The following RBFOX1 variants were observed in gnomAD, a reference collection of about 807,000 sequenced individuals.
RBFOX1 encodes RNA binding protein fox-1 homolog 1.
A neutral mutation model predicts 57.7 loss-of-function variants in RBFOX1; 8 were observed. The observed-to-expected ratio is 0.14, with a 90% CI of 0.08 to 0.25. RBFOX1 has a LOEUF of 0.25. RBFOX1 is among the 10% of genes least tolerant of loss of function. The probability of loss-of-function intolerance (pLI) is 1.00; values close to 1 mark genes in which losing one functional copy is unlikely to be tolerated. For missense variants in RBFOX1, 611 were observed against 548.5 expected, an observed-to-expected ratio of 1.11 and a Z score of -1.14; for synonymous variants, 326 against 222.4, an observed-to-expected ratio of 1.47 and a Z score of -4.15.
intron 2 of RBFOX1, among the ~76,000 whole-genome samples, chr16:6,546,190 A>G (rs2096892636): frequency 6.6e-6 from 1 of 152,152 alleles, no homozygotes; most frequent in Non-Finnish European, 1.5e-5. Flanking sequence ...CTAAAAACGT[A>G]TTGTTTGTCT....
chr16:5,779,343 C>T (rs2054252399), intron 3 of RBFOX1, among the ~76,000 whole-genome samples: 1 of 152,126 alleles, frequency 6.6e-6, no homozygotes, highest in Admixed American at 6.5e-5. Flanking sequence ...ATCTCTGCTC[C>T]CTCCTGCATT....
intron 2 of RBFOX1, among the ~76,000 whole-genome samples, chr16:5,597,808 G>A (rs1222457654): frequency 2.0e-5 from 3 of 152,118 alleles, no homozygotes; most frequent in African/African-American, 4.8e-5. Flanking sequence ...GGAATACTAC[G>A]ACGGTGATTC....
At chr16:6,800,940 TTGAG>T (rs931523173) in intron 3 of RBFOX1, among the ~76,000 whole-genome samples, 5 of 152,154 alleles carry the variant, frequency 3.3e-5, no homozygotes, top group Non-Finnish European at 4.4e-5. Flanking sequence ...TTGCCCCTGT[TTGAG>T]TATCTCTCAA....
chr16:7,238,342 T>A (rs537531208), intron 4 of RBFOX1, among the ~76,000 whole-genome samples: 3 of 147,836 alleles, frequency 2.0e-5, no homozygotes, highest in African/African-American at 7.6e-5. Context: ...AAAAAATAAA[T>A]AAATAAAATA....
intron 2 of RBFOX1, among the ~76,000 whole-genome samples, chr16:6,653,736 A>G (rs1246498197): frequency 6.6e-6 from 1 of 150,920 alleles, no homozygotes; most frequent in East Asian, 2.0e-4. Context: ...GAGGATGGAT[A>G]GATGGATGGA....
At chr16:5,651,197 C>G (rs2049228281) in intron 3 of RBFOX1, among the ~76,000 whole-genome samples, 1 of 151,620 alleles carries the variant, frequency 6.6e-6, no homozygotes, top group Admixed American at 6.6e-5. Flanking sequence ...GAATTACAGG[C>G]ACCTGCCACC....
At position 5,802,862 on chromosome 16, in the gene RBFOX1, A is replaced by C. The variant is rs78141473; in HGVS notation, c.319-64441A>C. Among the ~76,000 whole-genome samples, 107 of 152,254 alleles carry C rather than the reference A, an allele frequency of 7.0e-4. 1 individual carries two copies. In the East Asian group the frequency reaches 0.02, roughly 29 times the overall value. The stretch of plus-strand genomic sequence containing the variant: ...CCCCCATCTGTCCACCTATCCAACC[A>C]TTCATTCATTAATCATACAGTTATT... On this transcript the variant is annotated intron_variant, in intron 3 of 19. Coordinates refer to the RBFOX1 transcript ENST00000641259.
chr16:6,213,654 A>G (rs959752283), intron 1 of RBFOX1, among the ~76,000 whole-genome samples: 6 of 152,298 alleles, frequency 3.9e-5, no homozygotes, highest in South Asian at 2.1e-4. Context: ...TCTTATTTCA[A>G]TGTAATAAAG....
At chr16:5,711,671 G>A (rs1447934688) in intron 3 of RBFOX1, among the ~76,000 whole-genome samples, 1 of 152,192 alleles carries the variant, frequency 6.6e-6, no homozygotes, top group Non-Finnish European at 1.5e-5. Flanking sequence ...AAAGGGCCTT[G>A]CATGCCTTAT....
Position 7,653,930 on chromosome 16 carries a change from G to T in RBFOX1, c.873G>T (p.Pro291=), listed in dbSNP as rs761510301. The change falls in exon 12 of 16, where the codon CCG becomes CCT. Residue 291 remains proline (P), a synonymous_variant. Coordinates refer to ENST00000550418, the MANE Select transcript of RBFOX1 (RefSeq NM_018723.4). ...TCAGGGCCGCGGCGCCCCCGCCCCC[G>T]ATCCCGGCCTACGGCGGGTAAGTGG... ...NTFRAAAPPP[P]IPAYGGVVYQ... is the part of the protein sequence containing the mutation. 3 of 1,551,308 alleles carry T rather than the reference G, an allele frequency of 1.9e-6. No homozygotes were observed. The highest frequency in any genetic ancestry group is 1.9e-5 in the Admixed American group (1 of 53,246).
At chr16:6,786,741 C>G (rs1050324473) in intron 3 of RBFOX1, among the ~76,000 whole-genome samples, 5 of 152,180 alleles carry the variant, frequency 3.3e-5, no homozygotes, top group Admixed American at 6.5e-5. Context: ...TTTCCTTAAA[C>G]AGTTGGAAAT....
intron 2 of RBFOX1, among the ~76,000 whole-genome samples, chr16:5,516,991 T>C (rs940455046): frequency 3.3e-5 from 5 of 151,748 alleles, no homozygotes; most frequent in Non-Finnish European, 7.4e-5. Flanking sequence ...CTCCTGACTT[T>C]CTTCCTGTTT....
chr16:6,434,830 T>G (rs1380766473), intron 2 of RBFOX1, among the ~76,000 whole-genome samples: 1 of 152,248 alleles, frequency 6.6e-6, no homozygotes, highest in Non-Finnish European at 1.5e-5. Context: ...TCCAATGATT[T>G]GTACCTCATG....
Position 5,404,881 on chromosome 16 carries a change from A to C in RBFOX1, c.220-62335A>C, listed in dbSNP as rs192378844. ...CAAAGTCTTAACCACCAGGAAAAGA[A>C]AGCTTTCCAGCTTGGTCTTCAGGAT... On this transcript the variant is annotated intron_variant, in intron 1 of 2. Transcript: ENST00000585867. 5.2e-3 allele frequency among the ~76,000 whole-genome samples: 798 copies of C among 152,330 alleles called. 4 individuals carry two copies. Among genetic ancestry groups the C allele is most frequent in the Non-Finnish European group, 6.7e-3 (457 of 68,026 alleles).
At chr16:5,715,936 G>T (rs566741918) in intron 3 of RBFOX1, among the ~76,000 whole-genome samples, 1 of 152,164 alleles carries the variant, frequency 6.6e-6, no homozygotes, top group Non-Finnish European at 1.5e-5. Flanking sequence ...CAGCATAGTT[G>T]TATTTGTCTA....
At chr16:6,431,666 G>A (rs1350991814) in intron 2 of RBFOX1, among the ~76,000 whole-genome samples, 1 of 152,072 alleles carries the variant, frequency 6.6e-6, no homozygotes, top group Admixed American at 6.6e-5. Flanking sequence ...AAGGACTTGG[G>A]CACTTAGTCT....
chr16:5,814,540 G>T (rs549926597), intron 3 of RBFOX1, among the ~76,000 whole-genome samples: 2 of 152,336 alleles, frequency 1.3e-5, no homozygotes, highest in African/African-American at 4.8e-5. Context: ...TTCAGGCTCA[G>T]AGGCCACACA....
At chr16:5,365,178 G>C (rs490711) in intron 1 of RBFOX1, among the ~76,000 whole-genome samples, 151,845 of 152,224 alleles carry the variant, frequency 1, 75,737 homozygotes, top group Middle Eastern at 1. Context: ...GTACCGCTTC[G>C]TGGAGGTCCG....
intron 1 of RBFOX1, among the ~76,000 whole-genome samples, chr16:5,405,760 C>G (rs1036302814): frequency 2.0e-5 from 3 of 152,138 alleles, no homozygotes; most frequent in Non-Finnish European, 4.4e-5. Flanking sequence ...AATCCCTTTC[C>G]CTTGGCCAGT....
Sources: gnomAD v4.1 joint callset for allele counts (sites outside exome capture counted in the v4.1 genomes callset) on GRCh38, gnomAD v4.1.1 for gene constraint, MANE v1.5 for transcripts, NCBI Gene and HGNC (gene_info 2026-07-23, HGNC 2026-07-21) for gene names.